The following AAK1 variants were observed in gnomAD, a reference collection of about 807,000 sequenced individuals.
AAK1 encodes the protein AP2-associated protein kinase 1.
A neutral mutation model predicts 116.0 loss-of-function variants in AAK1; 37 were observed. The observed-to-expected ratio is 0.32, with a 90% CI of 0.25 to 0.42. AAK1 has a LOEUF of 0.42. AAK1 is among the 10% of genes least tolerant of loss of function. The probability of loss-of-function intolerance (pLI) is 1.00; values close to 1 mark genes in which losing one functional copy is unlikely to be tolerated. For synonymous variants in AAK1, 458 were observed against 439.9 expected (o/e 1.04, Z -0.51); for missense variants, 919 against 1,170.6 (o/e 0.79, Z 3.14).
chr2:69,632,257 T>C (rs1384552209), intron 2 of AAK1, among the ~76,000 whole-genome samples: 1 of 152,156 alleles, frequency 6.6e-6, no homozygotes, highest in African/African-American at 2.4e-5. Flanking sequence ...CCAGAACATA[T>C]ACAAACATGC....
chr2:69,618,941 ACT>A (rs1322483774), intron 2 of AAK1, among the ~76,000 whole-genome samples: 3 of 150,602 alleles, frequency 2.0e-5, no homozygotes, highest in African/African-American at 7.3e-5. Context: ...CCATGCTCTG[ACT>A]CTTCCATTTT....
intron 2 of AAK1, among the ~76,000 whole-genome samples, chr2:69,609,678 A>T (rs1403589712): frequency 6.6e-6 from 1 of 151,982 alleles, no homozygotes; most frequent in African/African-American, 2.4e-5. Context: ...ATAATAATAA[A>T]AATAAAAAAT....
chr2:69,512,127 T>C (rs1336844311), intron 13 of AAK1, among the ~76,000 whole-genome samples: 3 of 151,976 alleles, frequency 2.0e-5, no homozygotes, highest in Non-Finnish European at 4.4e-5. Context: ...CCAAACAGGA[T>C]TGGAAAGTGG....
intron 17 of AAK1, among the ~76,000 whole-genome samples, chr2:69,484,882 A>G (rs987622080): frequency 6.6e-6 from 1 of 151,532 alleles, no homozygotes; most frequent in Non-Finnish European, 1.5e-5. Context: ...AAAAAAAATA[A>G]TAATAATAAA....
Position 69,580,478 on chromosome 2 carries a change from A to T in AAK1, c.164-23500T>A, listed in dbSNP as rs190947669. 5.4e-3 allele frequency among the ~76,000 whole-genome samples: 828 copies of T among 152,354 alleles called. 9 individuals are homozygous for T. Among genetic ancestry groups the T allele is most frequent in the African/African-American group, 0.019 (784 of 41,580 alleles). On this transcript the variant is annotated intron_variant, in intron 2 of 21. Coordinates refer to ENST00000409085, the MANE Select transcript of AAK1 (RefSeq NM_014911.5). Reference sequence around the variant, plus strand: ...ACGGAAACCATATGGTGCCATAGGAATATTAAACAGAGAAAGTCTATCTGC... The same window carrying T: ...ACGGAAACCATATGGTGCCATAGGATTATTAAACAGAGAAAGTCTATCTGC...
chr2:69,587,475 A>AT (rs1398056257), intron 2 of AAK1, among the ~76,000 whole-genome samples: 7,140 of 143,404 alleles, frequency 0.05, 219 homozygotes, highest in African/African-American at 0.093. Context: ...ATATATATAT[A>AT]TATTTTTTTG....
At chr2:69,587,980 C>A (rs1486147804) in intron 2 of AAK1, among the ~76,000 whole-genome samples, 1 of 151,966 alleles carries the variant, frequency 6.6e-6, no homozygotes, top group Non-Finnish European at 1.5e-5. Flanking sequence ...CCAGGCTGGT[C>A]TTGAACCCCT....
chr2:69,586,779 C>T (rs544831435), intron 2 of AAK1, among the ~76,000 whole-genome samples: 4 of 152,272 alleles, frequency 2.6e-5, no homozygotes, highest in African/African-American at 7.2e-5. Context: ...TCTAACAGCA[C>T]ATCAGAATCA....
intron 2 of AAK1, among the ~76,000 whole-genome samples, chr2:69,621,931 T>C (rs1232263663): frequency 6.6e-6 from 1 of 152,226 alleles, no homozygotes; most frequent in Non-Finnish European, 1.5e-5. Context: ...GCAGCCCTCC[T>C]AGCCCTCACT....
chr2:69,469,612 G>C lies in AAK1; in HGVS notation c.*6257C>G, dbSNP rs1484581751. ...AGATACCCTGTGGCCATAGAGCTCA[G>C]TAAACACTGCCTGTTGTACCTCAGG... is the stretch of plus-strand genomic sequence containing the variant. On this transcript the variant is annotated 3_prime_UTR_variant, in exon 22 of 22. Transcript: ENST00000409085. 1 of 985,366 alleles carries C rather than the reference G, an allele frequency of 1.0e-6. No individual in the cohort carries two copies. The highest frequency in any genetic ancestry group is 1.7e-5 in the African/African-American group (1 of 57,242). 61.0% of individuals were successfully genotyped at this position (985,366 alleles called of 1,614,324 possible).
At chr2:69,621,016 C>T (rs938851323) in intron 2 of AAK1, among the ~76,000 whole-genome samples, 2 of 152,220 alleles carry the variant, frequency 1.3e-5, no homozygotes, top group African/African-American at 2.4e-5. Flanking sequence ...CACTGTGGTG[C>T]GTCCACCAGG....
intron 2 of AAK1, among the ~76,000 whole-genome samples, chr2:69,596,887 C>T (rs945621258): frequency 5.3e-5 from 8 of 152,080 alleles, no homozygotes. Context: ...CCTTCTAACG[C>T]CCCCAGGAGT....
chr2:69,578,571 C>A (rs919778001), intron 2 of AAK1, among the ~76,000 whole-genome samples: 6 of 152,136 alleles, frequency 3.9e-5, no homozygotes, highest in Admixed American at 3.3e-4. Context: ...TTTCCACCAC[C>A]CCAATCTACC....
chr2:69,467,913 T>C lies in AAK1; in HGVS notation c.*7956A>G. 4 of 985,360 alleles carry C rather than the reference T, an allele frequency of 4.1e-6. No individual in the cohort carries two copies. The highest frequency in any genetic ancestry group is 3.5e-5 in the African/African-American group (2 of 57,352). The allele number at this position is 985,360 out of a possible 1,614,324, so 61.0% of individuals were successfully genotyped here. ...AAATACTATGTTTCTCTGAATCCTA[T>C]AACTTTTTAGCAGTGCTTCTTTTTA... On this transcript the variant is annotated 3_prime_UTR_variant, in exon 22 of 22. Transcript: ENST00000409085.
At chr2:69,583,500 A>C (rs1672631878) in intron 2 of AAK1, among the ~76,000 whole-genome samples, 1 of 152,222 alleles carries the variant, frequency 6.6e-6, no homozygotes, top group Non-Finnish European at 1.5e-5. Context: ...TTTCTGTTAA[A>C]GATTCTCTGA....
chr2:69,602,267 C>T (rs992126676), intron 2 of AAK1, among the ~76,000 whole-genome samples: 16 of 152,094 alleles, frequency 1.1e-4, no homozygotes, highest in African/African-American at 2.9e-4. Flanking sequence ...TTTGCTACAA[C>T]GGGCACGACT....
At chr2:69,570,003 G>A (rs1672028942) in intron 2 of AAK1, among the ~76,000 whole-genome samples, 2 of 152,070 alleles carry the variant, frequency 1.3e-5, no homozygotes, top group African/African-American at 4.8e-5. Context: ...GAAGTGCTGG[G>A]TCACTGGATA....
In AAK1 at chr2:69,470,066, C is replaced by G; in HGVS notation, c.*5803G>C. The G allele has an allele frequency of 2.0e-6, 2 of 985,388 alleles. No individual in the cohort carries two copies. Among genetic ancestry groups the G allele is most frequent in the Non-Finnish European group, 2.4e-6 (2 of 829,896 alleles). The allele number at this position is 985,388 out of a possible 1,614,324, so 61.0% of individuals were successfully genotyped here. A position where few individuals can be genotyped will look rare whatever the true frequency, so the allele number is the denominator to read the frequency against. Reference sequence around the variant, plus strand: ...TCCATCTGATTGACATAGTGAGGGCCATCAGAATGCTCCCTACAGAATTAA... The same window carrying G: ...TCCATCTGATTGACATAGTGAGGGCGATCAGAATGCTCCCTACAGAATTAA... On this transcript the variant is annotated 3_prime_UTR_variant, in exon 22 of 22. Transcript: ENST00000409085.
chr2:69,612,542 A>G (rs1674133560), intron 2 of AAK1, among the ~76,000 whole-genome samples: 1 of 152,234 alleles, frequency 6.6e-6, no homozygotes, highest in African/African-American at 2.4e-5. Context: ...AAACGACAAC[A>G]GTTGTATTTT....
Sources: allele counts gnomAD v4.1 joint callset (sites outside exome capture counted in the v4.1 genomes callset), GRCh38; gene constraint gnomAD v4.1.1; transcripts MANE v1.5; gene names NCBI Gene and HGNC (gene_info 2026-07-23, HGNC 2026-07-21).